KIF5C: variants seen among roughly 807,000 people sequenced by gnomAD.
KIF5C encodes the protein kinesin family member 5C.
Under a neutral mutation model 125.2 loss-of-function variants are expected in KIF5C, and 18 were observed. The observed-to-expected ratio is 0.14, with a 90% CI of 0.10 to 0.21. The LOEUF is 0.21. KIF5C is among the 10% of genes least tolerant of loss of function. KIF5C has a pLI of 1.00. For synonymous variants in KIF5C, 405 were observed against 434.0 expected (o/e 0.93, Z 0.83); for missense variants, 780 against 1,183.8 (o/e 0.66, Z 5.01).
rs116391476 is a variant in KIF5C, at chr2:148,968,324, A to G, written c.1118-5012A>G. ...CATCCAGTTCAAAACCTGTGAGGCCAGCAGACATGGTTCAGTAACTAGCTA... is the reference window on the plus strand; with the variant it reads ...CATCCAGTTCAAAACCTGTGAGGCCGGCAGACATGGTTCAGTAACTAGCTA... On this transcript the variant is annotated intron_variant, in intron 11 of 25. Transcript: ENST00000435030. Among the ~76,000 whole-genome samples the G allele has an allele frequency of 3.1e-3, 475 of 152,366 alleles. 1 individual carries two copies. The highest frequency in any genetic ancestry group is 0.011 in the African/African-American group (441 of 41,590).
chr2:148,875,575 G>GCCCCCCCCCCATCCCCCTGGCCC lies in KIF5C; in HGVS notation c.-37_-36insCCCCATCCCCCTGGCCCCCCCCC. 3 of 699,606 alleles carry GCCCCCCCCCCATCCCCCTGGCCC rather than the reference G, an allele frequency of 4.3e-6. No homozygotes were observed. Among genetic ancestry groups the GCCCCCCCCCCATCCCCCTGGCCC allele is most frequent in the Non-Finnish European group, 5.1e-6 (2 of 389,230 alleles). The allele number at this position is 699,606 out of a possible 1,614,324, so 43.3% of individuals were successfully genotyped here. ...TCCTCCCTCGTCGTTCCCGGCCCCG[G>GCCCCCCCCCCATCCCCCTGGCCC]CCCCCCACCCATCCCCGTGCCCCCT... On this transcript the variant is annotated 5_prime_UTR_variant, in exon 1 of 26. Transcript: ENST00000435030.
chr2:148,875,582 A>AACCCCCGGGCCCCCC lies in KIF5C; in HGVS notation c.-36_-35insACCCCCGGGCCCCCC. The AACCCCCGGGCCCCCC allele has an allele frequency of 3.6e-6, 1 of 277,684 alleles. No homozygotes were observed. The highest frequency in any genetic ancestry group is 6.4e-6 in the Non-Finnish European group (1 of 156,030). 17.2% of individuals were successfully genotyped at this position (277,684 alleles called of 1,614,324 possible). On this transcript the variant is annotated 5_prime_UTR_variant, in exon 1 of 26. Coordinates refer to ENST00000435030, the MANE Select transcript of KIF5C (RefSeq NM_004522.3). ...TCGTCGTTCCCGGCCCCGGCCCCCC[A>AACCCCCGGGCCCCCC]CCCATCCCCGTGCCCCCTCCCTACC...
chr2:149,001,304 C>T (rs954695864), intron 21 of KIF5C, among the ~76,000 whole-genome samples: 2 of 152,062 alleles, frequency 1.3e-5, no homozygotes, highest in Admixed American at 6.5e-5. Context: ...AGCAGGGACT[C>T]GAAGAAGGAG....
chr2:148,933,777 A>G (rs1682227633), intron 3 of KIF5C, among the ~76,000 whole-genome samples: 2 of 150,352 alleles, frequency 1.3e-5, no homozygotes, highest in Admixed American at 6.6e-5. Flanking sequence ...ACGACACACC[A>G]TATACCACAT....
intron 10 of KIF5C, among the ~76,000 whole-genome samples, chr2:148,960,695 T>C (rs1006605428): frequency 6.6e-6 from 1 of 152,340 alleles, no homozygotes; most frequent in Non-Finnish European, 1.5e-5. Flanking sequence ...ACATCTGTAG[T>C]GCTGGTGAGG....
chr2:148,979,583 A>T (rs1203579665), intron 13 of KIF5C, among the ~76,000 whole-genome samples: 1 of 152,132 alleles, frequency 6.6e-6, no homozygotes, highest in African/African-American at 2.4e-5. Context: ...TTGGGCAAGG[A>T]TGATTCTGCC....
chr2:148,965,317 A>G (rs1683023858), intron 11 of KIF5C, among the ~76,000 whole-genome samples: 1 of 152,136 alleles, frequency 6.6e-6, no homozygotes, highest in Admixed American at 6.5e-5. Context: ...CTACAGAGAA[A>G]GAAGAGAAGA....
At chr2:148,889,110 T>C (rs1401061594) in intron 1 of KIF5C, among the ~76,000 whole-genome samples, 1 of 152,190 alleles carries the variant, frequency 6.6e-6, no homozygotes, top group Non-Finnish European at 1.5e-5. Flanking sequence ...GCTGTGAACA[T>C]TTTAATTTGA....
At chr2:148,921,054 A>G (rs1192612454) in intron 1 of KIF5C, among the ~76,000 whole-genome samples, 1 of 152,092 alleles carries the variant, frequency 6.6e-6, no homozygotes, top group Non-Finnish European at 1.5e-5. Context: ...TGCCCTCAGG[A>G]TGGGTTCTCC....
intron 7 of KIF5C, among the ~76,000 whole-genome samples, chr2:148,944,280 A>G (rs892993648): frequency 1.3e-5 from 2 of 152,148 alleles, no homozygotes; most frequent in African/African-American, 4.8e-5. Context: ...CTAGAACTTT[A>G]TCTTCTCCAA....
At chr2:148,983,969 T>C (rs1051802152) in intron 15 of KIF5C, among the ~76,000 whole-genome samples, 1 of 152,254 alleles carries the variant, frequency 6.6e-6, no homozygotes, top group Non-Finnish European at 1.5e-5. Context: ...AAAAAAATTA[T>C]CTTTCAAATC....
At chr2:148,978,871 AT>A in intron 12 of KIF5C, 50 bp from the exon 13 acceptor site, 1 of 1,543,012 alleles carries the variant, frequency 6.5e-7, no homozygotes, top group Non-Finnish European at 8.7e-7. Flanking sequence ...AGACTGGGAT[AT>A]CAAAAATGAC....
Position 148,875,243 on chromosome 2 carries a change from G to T in KIF5C, c.-375G>T. 1 of 184,564 alleles carries T rather than the reference G, an allele frequency of 5.4e-6. No homozygotes were observed. 11.4% of individuals were successfully genotyped at this position (184,564 alleles called of 1,614,324 possible). On this transcript the variant is annotated 5_prime_UTR_variant, in exon 1 of 26. Coordinates refer to ENST00000435030, the MANE Select transcript of KIF5C (RefSeq NM_004522.3). ...CAAGGCGGCAGAGCGCGCTGGTGCT[G>T]ATGCAGGATGGCTGAGCGCGCAGGA... is the stretch of plus-strand genomic sequence containing the variant.
intron 23 of KIF5C, among the ~76,000 whole-genome samples, chr2:149,009,075 T>C (rs551575240): frequency 1.9e-4 from 28 of 150,626 alleles, no homozygotes; most frequent in African/African-American, 6.6e-4. Flanking sequence ...GTGCAACCTC[T>C]GCCTCCTGGG....
chr2:149,003,745 C>T (rs1574830526), intron 21 of KIF5C, among the ~76,000 whole-genome samples: 1 of 152,132 alleles, frequency 6.6e-6, no homozygotes, highest in South Asian at 2.1e-4. Context: ...GTTGAATCTC[C>T]CTAAAAACAA....
chr2:148,961,858 C>G, intron 10 of KIF5C, 113 bp from the exon 11 acceptor site: 2 of 1,438,268 alleles, frequency 1.4e-6, no homozygotes, highest in Non-Finnish European at 1.9e-6. Context: ...CCACAGGATC[C>G]CTTCTGCTTC....
At position 148,998,467 on chromosome 2, in the gene KIF5C, A is replaced by G. The variant is rs1161343221; in HGVS notation, c.2168A>G (p.Asp723Gly). The change falls in exon 19 of 26, where the codon GAC (aspartate) becomes GGC (glycine). Residue 723 changes from aspartate to glycine, a missense_variant. By Grantham distance (94) the Asp-to-Gly change is moderately conservative. Around this residue, in one of 2 missense-constraint regions of KIF5C, gnomAD observed 573 missense variants for 742.6 expected, o/e 0.77. Coordinates refer to ENST00000435030, the MANE Select transcript of KIF5C (RefSeq NM_004522.3). ...CAGAAGCAGCTGTCCAGACTCCGAG[A>G]CGAAATTGAGGAGAAGCAGAAAATC... ...AHQKQLSRLR[D>G]EIEEKQKIID... is the part of the protein sequence containing the mutation. The G allele has an allele frequency of 6.4e-7, 1 of 1,564,060 alleles. No homozygotes were observed. The highest frequency in any genetic ancestry group is 1.2e-5 in the South Asian group (1 of 84,626).
Position 149,001,077 on chromosome 2 carries a change from A to C in KIF5C, c.2373+295A>C, listed in dbSNP as rs1191054937. Among the ~76,000 whole-genome samples the C allele has an allele frequency of 2.6e-5, 4 of 152,326 alleles. No homozygotes were observed. The East Asian group carries it at 7.7e-4, about 29-fold the overall frequency. ...TGTGACATACTTCCACTCAACATTC[A>C]ACAGATATTTATTGAGCATCTCCTA... On this transcript the variant is annotated intron_variant, in intron 21 of 25. Transcript: ENST00000435030.
intron 19 of KIF5C, 168 bp downstream of exon 19, chr2:148,998,677 G>A (rs1305930646): frequency 1.6e-5 from 18 of 1,149,420 alleles, no homozygotes; most frequent in African/African-American, 6.2e-5. Flanking sequence ...TCTGTTCTCC[G>A]ATCTGGAGCT....
Sources: allele counts gnomAD v4.1 joint callset (sites outside exome capture counted in the v4.1 genomes callset), GRCh38; gene constraint gnomAD v4.1.1; regional missense constraint gnomAD v4.1.1; transcripts MANE v1.5; gene names NCBI Gene and HGNC (gene_info 2026-07-23, HGNC 2026-07-21).